NTM: variants seen among roughly 807,000 people sequenced by gnomAD.
NTM encodes the protein IgLON family member 2.
Under a neutral mutation model 42.1 loss-of-function variants are expected in NTM, and 13 were observed. The ratio of observed to expected loss-of-function variants is 0.31; its 90% confidence interval spans 0.20 to 0.49. The LOEUF (loss-of-function observed/expected upper bound fraction) is 0.49, where lower values mean the gene tolerates loss of function less well. NTM is among the 20% of genes least tolerant of loss of function. NTM has a pLI of 0.99. For missense variants in NTM, 373 were observed against 452.8 expected (o/e 0.82, Z 1.60); for synonymous variants, 187 against 179.2 (o/e 1.04, Z -0.35).
At chr11:131,454,336 A>C (rs943761120) in intron 1 of NTM, among the ~76,000 whole-genome samples, 3 of 152,242 alleles carry the variant, frequency 2.0e-5, no homozygotes, top group African/African-American at 7.2e-5. Context: ...TCACACACCC[A>C]GTGGAAGCTG....
At chr11:132,225,037 T>C (rs867068725) in intron 4 of NTM, among the ~76,000 whole-genome samples, 2 of 152,186 alleles carry the variant, frequency 1.3e-5, no homozygotes, top group African/African-American at 2.4e-5. Flanking sequence ...TCATAACAAC[T>C]CCAGACTCAT....
intron 2 of NTM, among the ~76,000 whole-genome samples, chr11:132,144,697 G>T (rs988602622): frequency 6.6e-6 from 1 of 152,154 alleles, no homozygotes; most frequent in African/African-American, 2.4e-5. Flanking sequence ...TGAGCACTTT[G>T]AAAGGTAGTC....
chr11:131,696,312 G>A (rs1439400718), intron 1 of NTM, among the ~76,000 whole-genome samples: 3 of 152,152 alleles, frequency 2.0e-5, no homozygotes, highest in Non-Finnish European at 2.9e-5. Flanking sequence ...AACAAGGCTT[G>A]ATGATATGCT....
At chr11:132,206,964 T>G (rs1018704610) in intron 3 of NTM, among the ~76,000 whole-genome samples, 8 of 152,222 alleles carry the variant, frequency 5.3e-5, no homozygotes, top group Non-Finnish European at 1.0e-4. Flanking sequence ...ATGCCCTGTT[T>G]CCTCAAACAG....
At chr11:131,452,070 T>A (rs534568551) in intron 1 of NTM, among the ~76,000 whole-genome samples, 1 of 152,288 alleles carries the variant, frequency 6.6e-6, no homozygotes, top group Admixed American at 6.5e-5. Context: ...CAGAGGCCAT[T>A]TGGACCCTGG....
At chr11:131,855,267 G>T (rs2045981327) in intron 1 of NTM, among the ~76,000 whole-genome samples, 1 of 152,208 alleles carries the variant, frequency 6.6e-6, no homozygotes, top group Admixed American at 6.5e-5. Context: ...AAGGTTAAAA[G>T]AAAACGAATG....
intron 1 of NTM, among the ~76,000 whole-genome samples, chr11:131,377,662 A>C (rs1432384899): frequency 1.3e-5 from 2 of 152,226 alleles, no homozygotes; most frequent in African/African-American, 4.8e-5. Context: ...CTGATGGAAT[A>C]CAGTGTTTTG....
rs142094376 is a variant in NTM at position 131,895,641 on chromosome 11, AATATAT to A, written c.83-15914_83-15909del. Among the ~76,000 whole-genome samples, 448 of 151,558 alleles carry A rather than the reference AATATAT, an allele frequency of 3.0e-3. 5 individuals carry two copies. The highest frequency in any genetic ancestry group is 0.014 in the South Asian group (68 of 4,796). ...ACATTTACAGAGTTCTAGATTGTGA[AATATAT>A]ATATATATTATTTCACATTATATAT... On this transcript the variant is annotated intron_variant, in intron 1 of 8. Coordinates refer to ENST00000683400, the MANE Select transcript of NTM (RefSeq NM_001352005.2).
rs181775903 is a variant in NTM at position 132,171,134 on chromosome 11, C to G, written c.400+24620C>G. Among the ~76,000 whole-genome samples, 56 of 152,264 alleles carry G rather than the reference C, an allele frequency of 3.7e-4. 1 individual carries two copies. In the East Asian group the frequency reaches 7.9e-3, roughly 22 times the overall value. ...TTCATCTTTCCTTGTCTGAAAGATT[C>G]TGGTGTCTTCACTTATCTCTTCAGA... On this transcript the variant is annotated intron_variant, in intron 3 of 8. Coordinates refer to ENST00000683400, the MANE Select transcript of NTM (RefSeq NM_001352005.2).
intron 1 of NTM, among the ~76,000 whole-genome samples, chr11:131,469,350 C>G (rs916109190): frequency 2.0e-5 from 3 of 152,180 alleles, no homozygotes; most frequent in East Asian, 1.9e-4. Flanking sequence ...TCATTTTATT[C>G]TTATATCTTC....
At chr11:131,839,366 G>A (rs550303133) in intron 1 of NTM, among the ~76,000 whole-genome samples, 1 of 152,318 alleles carries the variant, frequency 6.6e-6, no homozygotes, top group South Asian at 2.1e-4. Flanking sequence ...CAGGGTATTT[G>A]AGGTTGGTGT....
chr11:131,755,506 A>G (rs1006706513), intron 1 of NTM, among the ~76,000 whole-genome samples: 1 of 152,226 alleles, frequency 6.6e-6, no homozygotes, highest in Non-Finnish European at 1.5e-5. Context: ...AATAAACAAT[A>G]AGTAGTTTTA....
chr11:132,300,148 T>G (rs2094790455), intron 4 of NTM, among the ~76,000 whole-genome samples: 1 of 152,174 alleles, frequency 6.6e-6, no homozygotes, highest in South Asian at 2.1e-4. Flanking sequence ...TTTATTATTA[T>G]TAAGTTCCTA....
chr11:131,371,168 T>C (rs1941119593), intron 1 of NTM: 1 of 812,662 alleles, frequency 1.2e-6, no homozygotes, highest in South Asian at 5.6e-5. Flanking sequence ...CCTGGCTTCA[T>C]GCACATTCTT....
intron 2 of NTM, among the ~76,000 whole-genome samples, chr11:131,923,887 A>G (rs1025464279): frequency 4.6e-5 from 7 of 152,216 alleles, no homozygotes; most frequent in Non-Finnish European, 1.0e-4. Context: ...GCCACTGGGT[A>G]TATGACCTTT....
At chr11:131,899,474 C>G (rs1242643463) in intron 1 of NTM, among the ~76,000 whole-genome samples, 1 of 152,138 alleles carries the variant, frequency 6.6e-6, no homozygotes, top group Non-Finnish European at 1.5e-5. Context: ...TTGAAGTATC[C>G]CCAGCCAGGC....
chr11:131,383,182 A>G (rs1942903563), intron 1 of NTM, among the ~76,000 whole-genome samples: 1 of 152,242 alleles, frequency 6.6e-6, no homozygotes, highest in South Asian at 2.1e-4. Flanking sequence ...ATTGAATCTA[A>G]TGATAAAAGA....
chr11:132,193,049 T>G (rs1289932193), intron 3 of NTM, among the ~76,000 whole-genome samples: 1 of 152,170 alleles, frequency 6.6e-6, no homozygotes, highest in Non-Finnish European at 1.5e-5. Context: ...CATGCAATAA[T>G]AGTGGGAGAC....
intron 1 of NTM, among the ~76,000 whole-genome samples, chr11:131,677,316 C>T (rs1009863539): frequency 6.6e-6 from 1 of 152,284 alleles, no homozygotes; most frequent in Middle Eastern, 3.4e-3. Flanking sequence ...GAGGACCTTT[C>T]GTGGCAGTGT....
Sources: allele counts gnomAD v4.1 joint callset (sites outside exome capture counted in the v4.1 genomes callset), GRCh38; gene constraint gnomAD v4.1.1; transcripts MANE v1.5; gene names NCBI Gene and HGNC (gene_info 2026-07-23, HGNC 2026-07-21).